FBN2: variants seen among roughly 807,000 people sequenced by gnomAD.
The protein encoded by FBN2 is fibrillin 2, also known as fibrillin-2.
In FBN2, 105 loss-of-function variants were observed where a neutral mutation model predicts 355.6. The ratio of observed to expected loss-of-function variants is 0.30; its 90% CI spans 0.25 to 0.35. The LOEUF (loss-of-function observed/expected upper bound fraction) is 0.35. Among genes scored for constraint, FBN2 ranks in the 10% least tolerant of loss-of-function variants. The pLI, the probability that FBN2 is intolerant of heterozygous loss-of-function variation, is 1.00. For synonymous variants in FBN2, 1,350 were observed against 1,301.2 expected (o/e 1.04, Z -0.81); for missense variants, 3,280 against 3,758.7 (o/e 0.87, Z 3.33).
At chr5:128,290,708 G>A in intron 50 of FBN2, 24 bp downstream of exon 50, 2 of 1,612,696 alleles carry the variant, frequency 1.2e-6, no homozygotes, top group South Asian at 1.1e-5. Flanking sequence ...ACAAAGTGCT[G>A]TCTGATGATG....
intron 7 of FBN2, among the ~76,000 whole-genome samples, chr5:128,418,234 C>A (rs1479976619): frequency 2.0e-5 from 3 of 151,990 alleles, no homozygotes; most frequent in Admixed American, 6.6e-5. Context: ...GTCATCTCTC[C>A]TTCTTATTGA....
rs148930548 is a variant in FBN2 at position 128,400,196 on chromosome 5, C to G, written c.1079-4922G>C. Among the ~76,000 whole-genome samples the G allele has an allele frequency of 6.4e-3, 960 of 150,470 alleles. 11 individuals are homozygous for G. The highest frequency in any genetic ancestry group is 0.022 in the African/African-American group (899 of 41,048). On this transcript the variant is annotated intron_variant, in intron 8 of 64. Coordinates refer to ENST00000262464, the MANE Select transcript of FBN2 (RefSeq NM_001999.4). ...GTTTATTTTGTGATACAAAACAAACCAGAGTATACTAAGATATTTTGTGAT... is the reference window on the plus strand; with the variant it reads ...GTTTATTTTGTGATACAAAACAAACGAGAGTATACTAAGATATTTTGTGAT...
chr5:128,352,395 T>C (rs567745109), intron 20 of FBN2, among the ~76,000 whole-genome samples: 1 of 152,336 alleles, frequency 6.6e-6, no homozygotes, highest in African/African-American at 2.4e-5. Flanking sequence ...TTTTGAATGG[T>C]AGAGTACCCA....
At chr5:128,314,063 G>A (rs1164160248) in intron 36 of FBN2, among the ~76,000 whole-genome samples, 1 of 151,832 alleles carries the variant, frequency 6.6e-6, no homozygotes, top group Non-Finnish European at 1.5e-5. Flanking sequence ...GTAAGCCAGA[G>A]TGACCCTTCA....
chr5:128,436,118 G>A (rs548717621), intron 7 of FBN2, among the ~76,000 whole-genome samples: 6 of 152,182 alleles, frequency 3.9e-5, no homozygotes, highest in Admixed American at 6.5e-5. Context: ...TGTTTTACTA[G>A]TGCACGCCAT....
Position 128,302,675 on chromosome 5 carries a change from A to G in FBN2, c.5917+298T>C, listed in dbSNP as rs945329787. On this transcript the variant is annotated intron_variant, in intron 46 of 64. Coordinates refer to ENST00000262464, the MANE Select transcript of FBN2 (RefSeq NM_001999.4). ...CTATTTTTGATCTCATTAAGGAAAT[A>G]CAAATACCCTAAACCATAAATCAGT... Among the ~76,000 whole-genome samples the G allele has an allele frequency of 1.2e-4, 18 of 152,206 alleles. 1 individual carries two copies.
chr5:128,527,439 G>C (rs1172476853), intron 4 of FBN2, among the ~76,000 whole-genome samples: 3 of 151,996 alleles, frequency 2.0e-5, no homozygotes, highest in Non-Finnish European at 2.9e-5. Flanking sequence ...GGCTCTCCTG[G>C]GGTTAATTTT....
chr5:128,304,041 G>C (rs1168792824), intron 45 of FBN2, among the ~76,000 whole-genome samples: 1 of 152,126 alleles, frequency 6.6e-6, no homozygotes, highest in Non-Finnish European at 1.5e-5. Context: ...ACATACTCCA[G>C]GTATTCCCTG....
intron 5 of FBN2, among the ~76,000 whole-genome samples, chr5:128,510,437 C>T (rs1756083326): frequency 6.6e-6 from 1 of 152,192 alleles, no homozygotes; most frequent in Non-Finnish European, 1.5e-5. Flanking sequence ...AAAAGGTTCA[C>T]ACTGTTGTTT....
At chr5:128,421,953 GA>G (rs1236169533) in intron 7 of FBN2, among the ~76,000 whole-genome samples, 2 of 152,130 alleles carry the variant, frequency 1.3e-5, no homozygotes, top group Non-Finnish European at 2.9e-5. Context: ...GTAATTACAA[GA>G]ATCCTTATCA....
rs996043256 is a variant in FBN2 at position 128,289,116 on chromosome 5, C to A, written c.6637+11G>T. On this transcript the variant is annotated intron_variant, in intron 52 of 64. Transcript: ENST00000262464. Reference sequence around the variant, plus strand: ...AACTTTAAAATTCTGTAATGTGGAGCCAACACTCACCCACACAGCGTACTC... The same window carrying A: ...AACTTTAAAATTCTGTAATGTGGAGACAACACTCACCCACACAGCGTACTC... The A allele has an allele frequency of 1.2e-6, 2 of 1,613,776 alleles. No homozygotes were observed. Among genetic ancestry groups the A allele is most frequent in the Admixed American group, 1.7e-5 (1 of 60,012 alleles).
chr5:128,307,019 G>C (rs944461202), intron 42 of FBN2, 116 bp downstream of exon 42: 8 of 744,020 alleles, frequency 1.1e-5, no homozygotes, highest in Non-Finnish European at 1.9e-5. Context: ...AACTATATTA[G>C]ATTGGATCCC....
At chr5:128,491,914 T>C (rs906125046) in intron 5 of FBN2, among the ~76,000 whole-genome samples, 1 of 152,198 alleles carries the variant, frequency 6.6e-6, no homozygotes, top group Non-Finnish European at 1.5e-5. Flanking sequence ...TCAAACTCCT[T>C]CTAATAAACA....
rs1025880236 is a variant in FBN2, at chr5:128,339,042, A to T, written c.3363T>A (p.Ile1121=). 5 of 1,613,934 alleles carry T rather than the reference A, an allele frequency of 3.1e-6. No individual in the cohort carries two copies. Among genetic ancestry groups the T allele is most frequent in the Non-Finnish European group, 4.2e-6 (5 of 1,179,920 alleles). The part of the protein sequence containing the change: ...RNCTDIDECR[I]SPDLCGSGIC... ...TTCCACTGCCACAGAGGTCAGGAGA[A>T]ATCCTGCACTCGTCGATGTCTAATT... Residue 1121 remains isoleucine (I), a synonymous_variant, in exon 26 of 65, where the codon ATT becomes ATA. Transcript: ENST00000262464.
At chr5:128,517,906 T>A (rs986865870) in intron 5 of FBN2, among the ~76,000 whole-genome samples, 1 of 152,202 alleles carries the variant, frequency 6.6e-6, no homozygotes, top group African/African-American at 2.4e-5. Flanking sequence ...GCACTGAGGA[T>A]GTAAATAACA....
chr5:128,289,797 A>G (rs916942341), intron 51 of FBN2, 85 bp downstream of exon 51: 29 of 810,060 alleles, frequency 3.6e-5, no homozygotes, highest in Non-Finnish European at 8.4e-6. Flanking sequence ...GTTACATAGT[A>G]AAGTTAGCAT....
chr5:128,460,101 GC>G (rs1754517953), intron 6 of FBN2, among the ~76,000 whole-genome samples: 3 of 152,164 alleles, frequency 2.0e-5, no homozygotes, highest in African/African-American at 2.4e-5. Context: ...AAGCTGATAA[GC>G]AATTTCAGCA....
In FBN2 at chr5:128,346,195, T is replaced by C. The variant is rs534447524; in HGVS notation, c.2990-611A>G. Among the ~76,000 whole-genome samples the C allele has an allele frequency of 2.8e-4, 43 of 152,330 alleles. 1 individual carries two copies. In the South Asian group the frequency reaches 8.3e-3, roughly 29 times the overall value. On this transcript the variant is annotated intron_variant, in intron 23 of 64. Transcript: ENST00000262464. ...CTCCAACTTCAAAACAGACCAACAT[T>C]TCAGTGCTTAGCCTGTGCTAGCCAG...
chr5:128,375,484 G>T (rs1464625520), intron 14 of FBN2, among the ~76,000 whole-genome samples: 1 of 152,144 alleles, frequency 6.6e-6, no homozygotes, highest in Non-Finnish European at 1.5e-5. Context: ...ACCCTGAGAT[G>T]ACATCCCAGT....
Sources: allele counts gnomAD v4.1 joint callset (sites outside exome capture counted in the v4.1 genomes callset), GRCh38; gene constraint gnomAD v4.1.1; transcripts MANE v1.5; gene names NCBI Gene and HGNC (gene_info 2026-07-23, HGNC 2026-07-21).